ADGRB3: variants seen among roughly 807,000 people sequenced by gnomAD.
ADGRB3 encodes the protein brain-specific angiogenesis inhibitor 3.
A neutral mutation model predicts 193.4 loss-of-function variants in ADGRB3; 37 were observed. The ratio of observed to expected loss-of-function variants is 0.19; its 90% CI spans 0.15 to 0.25. ADGRB3 has a LOEUF of 0.25. Among genes scored for constraint, ADGRB3 ranks in the 10% least tolerant of loss-of-function variants. ADGRB3 has a pLI of 1.00. For missense variants in ADGRB3, 1,637 were observed against 1,852.9 expected, an observed-to-expected ratio of 0.88 and a Z score of 2.14; for synonymous variants, 690 against 644.2, an observed-to-expected ratio of 1.07 and a Z score of -1.08.
Position 69,388,573 on chromosome 6 carries a change from G to A in ADGRB3, c.4381-130G>A, listed in dbSNP as rs1025335772. The stretch of plus-strand genomic sequence containing the variant: ...TCAAAACTATTTCCCACAGTTGGCC[G>A]TATTTTCAAGTCATCTCTGCATCAC... On this transcript the variant is annotated intron_variant, in intron 31 of 31. Transcript: ENST00000370598. The A allele has an allele frequency of 5.3e-5, 43 of 816,120 alleles. No individual in the cohort carries two copies. In the South Asian group the frequency reaches 6.3e-4, roughly 12 times the overall value. The allele number at this position is 816,120 out of a possible 1,614,324, so 50.6% of individuals were successfully genotyped here.
At chr6:68,837,787 T>C (rs2127386199) in intron 3 of ADGRB3, among the ~76,000 whole-genome samples, 1 of 152,306 alleles carries the variant, frequency 6.6e-6, no homozygotes, top group East Asian at 1.9e-4. Flanking sequence ...TCTGAGTGGA[T>C]TTATCGTTTG....
At chr6:68,715,033 C>T (rs1350609145) in intron 3 of ADGRB3, among the ~76,000 whole-genome samples, 1 of 151,768 alleles carries the variant, frequency 6.6e-6, no homozygotes, top group Non-Finnish European at 1.5e-5. Flanking sequence ...ATCATCATTA[C>T]AGCTTTGCAT....
At chr6:69,045,764 A>G (rs573513206) in intron 13 of ADGRB3, among the ~76,000 whole-genome samples, 1 of 152,036 alleles carries the variant, frequency 6.6e-6, no homozygotes, top group East Asian at 1.9e-4. Flanking sequence ...AATAGTAAAA[A>G]CCTCCATTAC....
chr6:68,699,277 T>C (rs1765204027), intron 3 of ADGRB3, among the ~76,000 whole-genome samples: 1 of 152,070 alleles, frequency 6.6e-6, no homozygotes, highest in Admixed American at 6.6e-5. Context: ...ATTACTCCTA[T>C]TGAGAGAAAA....
chr6:69,259,797 T>C (rs1358622340), intron 20 of ADGRB3, among the ~76,000 whole-genome samples: 3 of 151,896 alleles, frequency 2.0e-5, no homozygotes, highest in East Asian at 1.9e-4. Context: ...TCAACAAATA[T>C]GTAAAATATT....
chr6:68,843,041 T>A (rs1768192307), intron 3 of ADGRB3, among the ~76,000 whole-genome samples: 1 of 88,306 alleles, frequency 1.1e-5, no homozygotes. Flanking sequence ...ATAAAAGCCA[T>A]ATACAACAAC....
At chr6:69,190,461 A>G (rs530463870) in intron 17 of ADGRB3, among the ~76,000 whole-genome samples, 5 of 152,168 alleles carry the variant, frequency 3.3e-5, no homozygotes, top group South Asian at 2.1e-4. Context: ...CTGGGCAGCT[A>G]TGTGTCTGTG....
At chr6:69,098,131 G>A (rs949460811) in intron 17 of ADGRB3, among the ~76,000 whole-genome samples, 9 of 152,114 alleles carry the variant, frequency 5.9e-5, no homozygotes, top group African/African-American at 2.2e-4. Flanking sequence ...CAGCTTACCT[G>A]AGTTTTACTA....
At chr6:69,359,069 ACTTC>A (rs1487495324) in intron 28 of ADGRB3, among the ~76,000 whole-genome samples, 1 of 151,760 alleles carries the variant, frequency 6.6e-6, no homozygotes, top group Non-Finnish European at 1.5e-5. Context: ...CAGTACCAAT[ACTTC>A]CTTTATAGTT....
chr6:68,829,968 T>C (rs112153659), intron 3 of ADGRB3, among the ~76,000 whole-genome samples: 1,696 of 152,240 alleles, frequency 0.011, 48 homozygotes, highest in African/African-American at 0.039. Flanking sequence ...TATTCAGACA[T>C]ACCAAGTATA....
At chr6:69,380,138 A>G (rs759429983) in intron 30 of ADGRB3, among the ~76,000 whole-genome samples, 10 of 151,948 alleles carry the variant, frequency 6.6e-5, no homozygotes, top group Non-Finnish European at 1.2e-4. Context: ...CAGCTAATGT[A>G]TATTCTTTTC....
At chr6:69,180,432 G>T (rs1426616285) in intron 17 of ADGRB3, among the ~76,000 whole-genome samples, 2 of 152,162 alleles carry the variant, frequency 1.3e-5, no homozygotes, top group Non-Finnish European at 2.9e-5. Flanking sequence ...CTGTCTAGGT[G>T]TGGAGTGAAG....
intron 3 of ADGRB3, among the ~76,000 whole-genome samples, chr6:68,783,618 A>T (rs1349336344): frequency 1.3e-5 from 2 of 151,522 alleles, no homozygotes; most frequent in Admixed American, 1.3e-4. Context: ...TGTTGGAGGG[A>T]TAGTATGGGA....
chr6:68,655,023 TCA>T (rs1318349460), intron 3 of ADGRB3, among the ~76,000 whole-genome samples: 2 of 151,516 alleles, frequency 1.3e-5, no homozygotes, highest in African/African-American at 4.8e-5. Context: ...TCTGAGGAAG[TCA>T]CATATATTAT....
At chr6:68,642,807 A>T (rs1768111916) in intron 3 of ADGRB3, among the ~76,000 whole-genome samples, 1 of 141,366 alleles carries the variant, frequency 7.1e-6, no homozygotes, top group Admixed American at 7.1e-5. Context: ...GCTATAACTT[A>T]AAAAAAAAAA....
At chr6:69,075,393 G>A (rs1012990741) in intron 16 of ADGRB3, among the ~76,000 whole-genome samples, 12 of 152,102 alleles carry the variant, frequency 7.9e-5, no homozygotes, top group African/African-American at 2.9e-4. Context: ...GTCACGGCAG[G>A]TACTCAATTC....
At chr6:69,253,285 A>C (rs1319458657) in intron 20 of ADGRB3, among the ~76,000 whole-genome samples, 2 of 152,060 alleles carry the variant, frequency 1.3e-5, no homozygotes, top group African/African-American at 2.4e-5. Context: ...ACATTTGTCT[A>C]ATCTAGGTTC....
rs373283258 is a variant in ADGRB3, at chr6:68,956,783, G to A, written c.1499G>A (p.Arg500Lys). Residue 500 changes from arginine (R) to lysine (K), a missense_variant, in exon 8 of 32, where the codon AGA becomes AAA. By Grantham distance (26) the Arg-to-Lys change is conservative. Around this residue, in one of 7 missense-constraint regions of ADGRB3, gnomAD observed 641 missense variants for 673.9 expected, o/e 0.95. Transcript: ENST00000370598. ...TGTGAAGGAACGGGCGAAGAAGTGA[G>A]AAGATGCAATGAGCAGCGATGCCCT... is the stretch of plus-strand genomic sequence containing the variant. The part of the protein sequence containing the change: ...QQCEGTGEEV[R>K]RCNEQRCPAP... 1.4e-4 allele frequency: 231 copies of A among 1,613,678 alleles called. 1 individual carries two copies. The highest frequency in any genetic ancestry group is 2.5e-4 in the South Asian group (23 of 91,076).
intron 3 of ADGRB3, among the ~76,000 whole-genome samples, chr6:68,879,016 T>A (rs1261176675): frequency 6.6e-6 from 1 of 152,024 alleles, no homozygotes; most frequent in Non-Finnish European, 1.5e-5. Flanking sequence ...TCTTTCACAG[T>A]GCATGGGAAT....
Sources: gnomAD v4.1 joint callset for allele counts (sites outside exome capture counted in the v4.1 genomes callset) on GRCh38, gnomAD v4.1.1 for gene constraint, gnomAD v4.1.1 regional missense constraint, MANE v1.5 for transcripts, NCBI Gene and HGNC (gene_info 2026-07-23, HGNC 2026-07-21) for gene names.